The following BANF2 variants were observed in gnomAD, a reference collection of about 807,000 sequenced individuals.
The protein encoded by BANF2 is BANF family member 2.
A neutral mutation model predicts 8.0 loss-of-function variants in BANF2; 4 were observed. That is an observed-to-expected ratio of 0.50 (90% CI 0.25 to 1.14). The LOEUF (loss-of-function observed/expected upper bound fraction) is 1.14. Ranked by LOEUF, BANF2 falls within the 50% of genes most tolerant of loss-of-function variation. BANF2 has a pLI of 0.16. For synonymous variants in BANF2, 50 were observed against 40.6 expected, an observed-to-expected ratio of 1.23 and a Z score of -0.88; for missense variants, 96 against 107.5, an observed-to-expected ratio of 0.89 and a Z score of 0.47.
At position 17,718,251 on chromosome 20, in the gene BANF2, C is replaced by A. The variant is rs185264642; in HGVS notation, c.-166-4465C>A. Among the ~76,000 whole-genome samples, 6 of 152,284 alleles carry A rather than the reference C, an allele frequency of 3.9e-5. No individual in the cohort carries two copies. The East Asian group carries it at 7.7e-4, about 20-fold the overall frequency. On this transcript the variant is annotated intron_variant, in intron 1 of 3. Coordinates refer to ENST00000246090, the MANE Select transcript of BANF2 (RefSeq NM_178477.5). The stretch of plus-strand genomic sequence containing the variant: ...ATGGAGTCTCACTCTGTTGCCCAGG[C>A]TGAAGTGCGATGGCGAGATCTCAGC...
intron 3 of BANF2, among the ~76,000 whole-genome samples, chr20:17,734,768 C>CA (rs1254204113): frequency 6.6e-6 from 1 of 152,136 alleles, no homozygotes; most frequent in Non-Finnish European, 1.5e-5. Context: ...AAGCATTGTC[C>CA]AAAATATCAA....
intron 3 of BANF2, among the ~76,000 whole-genome samples, chr20:17,726,616 C>T (rs1428155132): frequency 6.6e-6 from 1 of 152,092 alleles, no homozygotes; most frequent in Non-Finnish European, 1.5e-5. Context: ...CACATATGTA[C>T]ACCTATGTAC....
At chr20:17,709,878 C>T (rs6075240) in intron 1 of BANF2, among the ~76,000 whole-genome samples, 77,694 of 152,092 alleles carry the variant, frequency 0.51, 20,265 homozygotes, top group African/African-American at 0.6. Flanking sequence ...AAGCATGAGC[C>T]GCTCTCTTAG....
chr20:17,720,606 T>A (rs535036193), intron 1 of BANF2, among the ~76,000 whole-genome samples: 1 of 152,362 alleles, frequency 6.6e-6, no homozygotes, highest in African/African-American at 2.4e-5. Flanking sequence ...AGAGAAGTCA[T>A]TTTAATAGAA....
At chr20:17,721,398 CT>C (rs753833970) in intron 1 of BANF2, among the ~76,000 whole-genome samples, 2 of 18,760 alleles carry the variant, frequency 1.1e-4, no homozygotes, top group African/African-American at 4.9e-4. Flanking sequence ...TTCTTTCTTT[CT>C]TTTTTTTTTT....
rs140357278 is a variant in BANF2, at chr20:17,702,306, C to T, written c.-167+2251C>T. The stretch of plus-strand genomic sequence containing the variant: ...ATGGATGCTGAACTCCCTGTGGGCC[C>T]GCCTGTTTCACTGGCCCGGCCCCTC... On this transcript the variant is annotated intron_variant, in intron 1 of 3. Coordinates refer to ENST00000246090, the MANE Select transcript of BANF2 (RefSeq NM_178477.5). Among the ~76,000 whole-genome samples, 155 of 152,300 alleles carry T rather than the reference C, an allele frequency of 1.0e-3. 1 individual carries two copies. Among genetic ancestry groups the T allele is most frequent in the African/African-American group, 3.3e-3 (136 of 41,558 alleles).
At chr20:17,734,412 T>A (rs537127565) in intron 3 of BANF2, among the ~76,000 whole-genome samples, 2 of 152,348 alleles carry the variant, frequency 1.3e-5, no homozygotes, top group Admixed American at 1.3e-4. Flanking sequence ...CCTTCCCATT[T>A]AATTCACTTA....
chr20:17,718,187 T>C (rs2037682127), intron 1 of BANF2, among the ~76,000 whole-genome samples: 1 of 151,860 alleles, frequency 6.6e-6, no homozygotes, highest in Non-Finnish European at 1.5e-5. Flanking sequence ...TTTTGTGTTG[T>C]AGAGGTGTTC....
chr20:17,716,667 C>A (rs1380174115), intron 1 of BANF2, among the ~76,000 whole-genome samples: 2 of 151,128 alleles, frequency 1.3e-5, no homozygotes, highest in Non-Finnish European at 3.0e-5. Flanking sequence ...AGGTCAAGGC[C>A]AGCCTGGGCA....
At chr20:17,696,424 T>G (rs1021453064), upstream of BANF2, among the ~76,000 whole-genome samples, 1 of 152,248 alleles carries the variant, frequency 6.6e-6, no homozygotes, top group African/African-American at 2.4e-5. Flanking sequence ...AGTGGTTATA[T>G]TATATTACAT....
At chr20:17,718,684 G>A (rs1253079494) in intron 1 of BANF2, among the ~76,000 whole-genome samples, 1 of 152,112 alleles carries the variant, frequency 6.6e-6, no homozygotes, top group Non-Finnish European at 1.5e-5. Context: ...ATGAAGACCT[G>A]TCATACAGCT....
chr20:17,707,236 A>G (rs1034820479), intron 1 of BANF2, among the ~76,000 whole-genome samples: 3 of 151,908 alleles, frequency 2.0e-5, no homozygotes, highest in Non-Finnish European at 2.9e-5. Context: ...AAAAAATACA[A>G]AAAATTAACC....
At chr20:17,729,700 C>T (rs1386680198) in intron 3 of BANF2, among the ~76,000 whole-genome samples, 1 of 152,152 alleles carries the variant, frequency 6.6e-6, no homozygotes, top group Non-Finnish European at 1.5e-5. Flanking sequence ...TGCACCACTG[C>T]CCTCCAGTCT....
chr20:17,709,879 G>T (rs1004442717), intron 1 of BANF2, among the ~76,000 whole-genome samples: 2 of 152,200 alleles, frequency 1.3e-5, no homozygotes, highest in African/African-American at 2.4e-5. Flanking sequence ...AGCATGAGCC[G>T]CTCTCTTAGG....
intron 2 of BANF2, among the ~76,000 whole-genome samples, chr20:17,723,623 A>C (rs1055544725): frequency 1.1e-4 from 16 of 152,228 alleles, no homozygotes; most frequent in Non-Finnish European, 1.9e-4. Context: ...AGGGGATGCT[A>C]CAATGAACAA....
chr20:17,715,665 G>T (rs74181976), intron 1 of BANF2, among the ~76,000 whole-genome samples: 2 of 152,172 alleles, frequency 1.3e-5, no homozygotes, highest in South Asian at 4.1e-4. Context: ...ACTCTGGGTG[G>T]AATGGGGAGG....
chr20:17,699,881 CCTTTTTGTGCT>C, upstream of BANF2: 2 of 639,358 alleles, frequency 3.1e-6, no homozygotes, highest in Non-Finnish European at 3.9e-6. Flanking sequence ...CCACTGCAGC[CCTTTTTGTGCT>C]CACCCCCGAC....
At chr20:17,712,586 T>C in intron 1 of BANF2, 2 of 948,558 alleles carry the variant, frequency 2.1e-6, no homozygotes, top group Non-Finnish European at 2.5e-6. Flanking sequence ...ATCTTTCTTT[T>C]CTCTTCCACC....
intron 3 of BANF2, 150 bp from the exon 4 acceptor site, chr20:17,735,515 G>A (rs1055775306): frequency 1.7e-5 from 15 of 904,664 alleles, no homozygotes; most frequent in Middle Eastern, 3.3e-4. Context: ...CCCATGTCAG[G>A]GCTTCAAGGA....
Sources: gnomAD v4.1 joint callset for allele counts (sites outside exome capture counted in the v4.1 genomes callset) on GRCh38, gnomAD v4.1.1 for gene constraint, MANE v1.5 for transcripts, NCBI Gene and HGNC (gene_info 2026-07-23, HGNC 2026-07-21) for gene names.